SPATA7: variants seen among roughly 807,000 people sequenced by gnomAD.
SPATA7 encodes spermatogenesis-associated protein 7.
In SPATA7, 43 loss-of-function variants were observed where a neutral mutation model predicts 51.8. The observed-to-expected ratio is 0.83, with a 90% CI of 0.65 to 1.07. The LOEUF (loss-of-function observed/expected upper bound fraction) is 1.07. SPATA7 is among the 50% of genes least tolerant of loss of function. SPATA7 has a pLI of 0.00. For synonymous variants in SPATA7, 230 were observed against 252.8 expected (o/e 0.91, Z 0.86); for missense variants, 683 against 701.3 (o/e 0.97, Z 0.30).
chr14:88,425,169 A>G (rs1236493994), intron 5 of SPATA7, among the ~76,000 whole-genome samples: 1 of 152,134 alleles, frequency 6.6e-6, no homozygotes, highest in African/African-American at 2.4e-5. Context: ...TGATGTTAGG[A>G]TTAAATGAGC....
At chr14:88,404,984 A>G (rs1177663816) in intron 4 of SPATA7, among the ~76,000 whole-genome samples, 1 of 152,240 alleles carries the variant, frequency 6.6e-6, no homozygotes, top group Non-Finnish European at 1.5e-5. Flanking sequence ...AGAATATGTC[A>G]TATGGTAATA....
At chr14:88,427,009 C>A (rs986585976) in intron 6 of SPATA7, among the ~76,000 whole-genome samples, 1 of 152,082 alleles carries the variant, frequency 6.6e-6, no homozygotes, top group Admixed American at 6.6e-5. Context: ...TAAAATAGGT[C>A]ATCAGACAGC....
At chr14:88,417,994 A>G (rs1413266812) in intron 5 of SPATA7, among the ~76,000 whole-genome samples, 2 of 152,184 alleles carry the variant, frequency 1.3e-5, no homozygotes, top group East Asian at 1.9e-4. Flanking sequence ...AAGTCATTAT[A>G]GAATGATTTC....
At chr14:88,441,551 T>A (rs1275508453), downstream of SPATA7, among the ~76,000 whole-genome samples, 1 of 152,214 alleles carries the variant, frequency 6.6e-6, no homozygotes, top group Non-Finnish European at 1.5e-5. Flanking sequence ...CTTGGAACAG[T>A]AAGGTGGTAT....
chr14:88,444,294 G>A (rs2077197217), intron 3 of SPATA7, among the ~76,000 whole-genome samples: 1 of 152,160 alleles, frequency 6.6e-6, no homozygotes, highest in Non-Finnish European at 1.5e-5. Context: ...TTTGAGAAGT[G>A]TCTGTTCATG....
At chr14:88,447,708 T>G (rs1376801566) in intron 3 of SPATA7, among the ~76,000 whole-genome samples, 1 of 152,060 alleles carries the variant, frequency 6.6e-6, no homozygotes, top group African/African-American at 2.4e-5. Flanking sequence ...AGCATTTGCT[T>G]GTCTGTAAAG....
chr14:88,391,363 T>C lies in SPATA7; in HGVS notation c.20-18T>C, dbSNP rs773222199. 5 of 1,603,814 alleles carry C rather than the reference T, an allele frequency of 3.1e-6. No homozygotes were observed. Among genetic ancestry groups the C allele is most frequent in the Admixed American group, 1.7e-5 (1 of 59,882 alleles). The stretch of plus-strand genomic sequence containing the variant: ...GTTTCATTTATCCTAATTTATGATT[T>C]TTTTTTCTTGTTAAAAGTCAGAGCA... On this transcript the variant is annotated intron_variant, in intron 1 of 11. Transcript: ENST00000393545.
Position 88,445,764 on chromosome 14 carries a change from T to C in SPATA7, c.177+7861T>C, listed in dbSNP as rs183223427. Among the ~76,000 whole-genome samples, 400 of 152,312 alleles carry C rather than the reference T, an allele frequency of 2.6e-3. 2 individuals carry two copies. The highest frequency in any genetic ancestry group is 9.3e-3 in the African/African-American group (388 of 41,566). On this transcript the variant is annotated intron_variant, in intron 3 of 3. Transcript: ENST00000554802. ...ATAATCATGTGTTTTTTGTCTTTGGTTCTGTTTATATGCTGGATTACCTTT... is the reference window on the plus strand; with the variant it reads ...ATAATCATGTGTTTTTTGTCTTTGGCTCTGTTTATATGCTGGATTACCTTT...
chr14:88,459,170 A>G (rs972027139), downstream of SPATA7, among the ~76,000 whole-genome samples: 4 of 152,162 alleles, frequency 2.6e-5, no homozygotes, highest in Admixed American at 6.5e-5. Context: ...AATAAGGGCA[A>G]TGTGGTGCTG....
At chr14:88,389,863 T>C (rs2075692872) in intron 1 of SPATA7, among the ~76,000 whole-genome samples, 1 of 152,240 alleles carries the variant, frequency 6.6e-6, no homozygotes, top group South Asian at 2.1e-4. Flanking sequence ...ATACATAGAA[T>C]AGAATGGAAT....
At position 88,417,342 on chromosome 14, in the gene SPATA7, TG is replaced by T. The variant is rs531563514; in HGVS notation, c.372+499del. Reference sequence around the variant, plus strand: ...TATATATATATATATAGTCTCACTCTGTTGCCCAGGCTGGAGTGCAGTGGCA... The same window carrying T: ...TATATATATATATATAGTCTCACTCTTTGCCCAGGCTGGAGTGCAGTGGCA... On this transcript the variant is annotated intron_variant, in intron 5 of 11. Transcript: ENST00000393545. Among the ~76,000 whole-genome samples, 14 of 150,998 alleles carry T rather than the reference TG, an allele frequency of 9.3e-5. No homozygotes were observed. In the South Asian group the frequency reaches 2.9e-3, roughly 32 times the overall value.
downstream of SPATA7, among the ~76,000 whole-genome samples, chr14:88,439,845 G>A (rs2077165409): frequency 6.6e-6 from 1 of 152,050 alleles, no homozygotes; most frequent in Non-Finnish European, 1.5e-5. Flanking sequence ...TCCACTGTCG[G>A]AATCCCCAAC....
rs17124662 is a variant in SPATA7, at chr14:88,426,353, G to A, written c.494G>A (p.Ser165Asn). 6.5e-3 allele frequency: 10,477 copies of A among 1,614,054 alleles called. 575 individuals are homozygous for A. The African/African-American group carries it at 0.12, about 19-fold the overall frequency. The change falls in exon 6 of 12, where the codon AGT becomes AAT. Residue 165 changes from serine (S) to asparagine (N), a missense_variant. By Grantham distance (46) the Ser-to-Asn change is conservative (BLOSUM62 1). Coordinates refer to ENST00000393545, the MANE Select transcript of SPATA7 (RefSeq NM_018418.5). ...CTACACCTAAGTCTACATAAATCCA[G>A]TAAAGTCATCACAAATGGTCCTGAG... The part of the protein sequence containing the change: ...ERLHLSLHKS[S>N]KVITNGPEKN...
At chr14:88,417,840 A>T (rs78312728) in intron 5 of SPATA7, among the ~76,000 whole-genome samples, 1,653 of 152,258 alleles carry the variant, frequency 0.011, 12 homozygotes, top group Non-Finnish European at 0.016. Flanking sequence ...CATAAAATAA[A>T]CTGGGCACTA....
chr14:88,460,405 T>TG (rs2077310012), intron 4 of SPATA7, among the ~76,000 whole-genome samples: 1 of 152,166 alleles, frequency 6.6e-6, no homozygotes, highest in Non-Finnish European at 1.5e-5. Flanking sequence ...GCTTTGTTCA[T>TG]TTCCTTTTAC....
chr14:88,469,507 C>T lies in SPATA7; in HGVS notation c.255-340C>T. The T allele has an allele frequency of 6.2e-7, 1 of 1,612,440 alleles. No individual in the cohort carries two copies. The highest frequency in any genetic ancestry group is 8.5e-7 in the Non-Finnish European group (1 of 1,178,458). ...AAGTTAAAGTCACTCACATAAAAAT[C>T]CCTTGAGGTCTTCTGGACAGCCATG... On this transcript the variant is annotated intron_variant, in intron 4 of 4. Transcript: ENST00000556406. The surrounding 1 kb of genome is among the most constrained non-coding windows in gnomAD (Gnocchi z 4.3).
At chr14:88,408,685 C>T (rs1164258262) in intron 4 of SPATA7, among the ~76,000 whole-genome samples, 4 of 147,428 alleles carry the variant, frequency 2.7e-5, no homozygotes, top group Admixed American at 6.6e-5. Flanking sequence ...TGTCTTGGGC[C>T]GGTTTTCAAA....
At chr14:88,402,648 A>G (rs1425437171) in intron 4 of SPATA7, among the ~76,000 whole-genome samples, 1 of 152,170 alleles carries the variant, frequency 6.6e-6, no homozygotes, top group Non-Finnish European at 1.5e-5. Context: ...TCATACAAAA[A>G]TCAGCTCAAA....
At chr14:88,442,984 T>G (rs901106985), downstream of SPATA7, among the ~76,000 whole-genome samples, 2 of 148,442 alleles carry the variant, frequency 1.3e-5, no homozygotes, top group African/African-American at 5.0e-5. Context: ...CTCTGTCACC[T>G]AGGCTGGAGT....
Sources: gnomAD v4.1 joint callset for allele counts (sites outside exome capture counted in the v4.1 genomes callset) on GRCh38, gnomAD v4.1.1 for gene constraint, Gnocchi (gnomAD v3.1) non-coding constraint, MANE v1.5 for transcripts, NCBI Gene and HGNC (gene_info 2026-07-23, HGNC 2026-07-21) for gene names.